ITGBL1: variants seen among roughly 807,000 people sequenced by gnomAD.
ITGBL1 encodes integrin beta-like protein 1.
A neutral mutation model predicts 68.5 loss-of-function variants in ITGBL1; 51 were observed. That is an observed-to-expected ratio of 0.74 (90% CI 0.59 to 0.94). The LOEUF (loss-of-function observed/expected upper bound fraction) is 0.94. Among genes scored for constraint, ITGBL1 ranks in the 40% least tolerant of loss-of-function variants. The probability of loss-of-function intolerance (pLI) is 0.00; values close to 1 mark genes in which losing one functional copy is unlikely to be tolerated. For missense variants in ITGBL1, 649 were observed against 647.4 expected, an observed-to-expected ratio of 1.00 and a Z score of -0.03; for synonymous variants, 209 against 227.3, an observed-to-expected ratio of 0.92 and a Z score of 0.72.
At chr13:101,526,196 T>C (rs1041686733) in intron 2 of ITGBL1, among the ~76,000 whole-genome samples, 11 of 150,206 alleles carry the variant, frequency 7.3e-5, no homozygotes, top group African/African-American at 2.7e-4. Context: ...GGGATACATA[T>C]GCAGAACGTG....
intron 2 of ITGBL1, among the ~76,000 whole-genome samples, chr13:101,465,932 G>A (rs145766038): frequency 9.2e-5 from 14 of 152,292 alleles, no homozygotes; most frequent in East Asian, 1.9e-4. Flanking sequence ...ACTGTAGAGC[G>A]TAGAGGATAA....
chr13:101,564,323 C>T (rs965362365), intron 2 of ITGBL1, among the ~76,000 whole-genome samples: 2 of 151,668 alleles, frequency 1.3e-5, no homozygotes, highest in African/African-American at 2.4e-5. Context: ...CAAGTAGATA[C>T]CACAAAAACC....
intron 2 of ITGBL1, among the ~76,000 whole-genome samples, chr13:101,490,504 A>G (rs1046148290): frequency 6.6e-6 from 1 of 152,232 alleles, no homozygotes; most frequent in Non-Finnish European, 1.5e-5. Context: ...AATTAAAATA[A>G]TACTACTAAC....
At chr13:101,501,278 T>C (rs2139085462) in intron 2 of ITGBL1, among the ~76,000 whole-genome samples, 1 of 152,314 alleles carries the variant, frequency 6.6e-6, no homozygotes, top group Admixed American at 6.5e-5. Flanking sequence ...CAGAATTCCC[T>C]GAATCACACT....
Position 101,697,568 on chromosome 13 carries a change from C to T in ITGBL1, c.1132+4867C>T, listed in dbSNP as rs75334562. 5.6e-3 allele frequency among the ~76,000 whole-genome samples: 850 copies of T among 152,164 alleles called. 2 individuals carry two copies. The highest frequency in any genetic ancestry group is 6.7e-3 in the Non-Finnish European group (453 of 68,006). On this transcript the variant is annotated intron_variant, in intron 8 of 10. Coordinates refer to ENST00000376180, the MANE Select transcript of ITGBL1 (RefSeq NM_004791.3). Reference sequence around the variant, plus strand: ...GCCATATAGCAAGACGAATGGGAACCCTGTATTCAGACAGACCAGGATTTT... The same window carrying T: ...GCCATATAGCAAGACGAATGGGAACTCTGTATTCAGACAGACCAGGATTTT...
chr13:101,523,596 A>C (rs1158316200), intron 2 of ITGBL1, among the ~76,000 whole-genome samples: 1 of 152,196 alleles, frequency 6.6e-6, no homozygotes, highest in Non-Finnish European at 1.5e-5. Flanking sequence ...ATTAGAGCAG[A>C]TGACTTCCAA....
intron 8 of ITGBL1, among the ~76,000 whole-genome samples, chr13:101,705,173 TG>T (rs1249921083): frequency 6.6e-6 from 1 of 151,684 alleles, no homozygotes; most frequent in Non-Finnish European, 1.5e-5. Flanking sequence ...CAACATATGC[TG>T]GATTAAAAAA....
chr13:101,647,537 G>T (rs1181840710), intron 7 of ITGBL1, among the ~76,000 whole-genome samples: 1 of 152,214 alleles, frequency 6.6e-6, no homozygotes, highest in Non-Finnish European at 1.5e-5. Flanking sequence ...GGCAGCCAGT[G>T]CTTGAGAAAC....
chr13:101,714,820 T>G, intron 10 of ITGBL1: 2 of 449,566 alleles, frequency 4.4e-6, no homozygotes, highest in Non-Finnish European at 8.0e-6. Flanking sequence ...CAAACTCACA[T>G]GTATGCAGTT....
chr13:101,659,039 A>ATTT (rs55935871), intron 7 of ITGBL1, among the ~76,000 whole-genome samples: 7,348 of 103,638 alleles, frequency 0.071, 467 homozygotes, highest in Middle Eastern at 0.14. Flanking sequence ...TGGTGATTGA[A>ATTT]TTTTTTTTTT....
chr13:101,549,035 A>C (rs2049876063), intron 2 of ITGBL1, among the ~76,000 whole-genome samples: 1 of 151,914 alleles, frequency 6.6e-6, no homozygotes, highest in Non-Finnish European at 1.5e-5. Flanking sequence ...GTCACACATG[A>C]ATTCACGCAT....
At chr13:101,507,022 A>C (rs1306822594) in intron 2 of ITGBL1, among the ~76,000 whole-genome samples, 1 of 152,196 alleles carries the variant, frequency 6.6e-6, no homozygotes, top group Non-Finnish European at 1.5e-5. Flanking sequence ...AGAAGAAATA[A>C]GAAAAACCTG....
chr13:101,699,744 T>C (rs1170069975), intron 8 of ITGBL1, among the ~76,000 whole-genome samples: 3 of 152,240 alleles, frequency 2.0e-5, no homozygotes, highest in Non-Finnish European at 4.4e-5. Context: ...GAATGGTCCA[T>C]GTAGATGATT....
At chr13:101,573,041 A>G (rs941345515) in intron 3 of ITGBL1, among the ~76,000 whole-genome samples, 7 of 152,258 alleles carry the variant, frequency 4.6e-5, no homozygotes, top group African/African-American at 1.2e-4. Flanking sequence ...TTCCTGGTCT[A>G]TGATTTACTT....
At chr13:101,523,475 G>A (rs564858004) in intron 2 of ITGBL1, among the ~76,000 whole-genome samples, 1 of 152,202 alleles carries the variant, frequency 6.6e-6, no homozygotes, top group African/African-American at 2.4e-5. Context: ...CTATCTACAT[G>A]GCATGTTTTG....
chr13:101,595,112 A>C (rs181804422), intron 6 of ITGBL1, among the ~76,000 whole-genome samples: 316 of 152,102 alleles, frequency 2.1e-3, no homozygotes, highest in Middle Eastern at 0.01. Context: ...AAAACCAAAA[A>C]CAGGTCTATT....
intron 6 of ITGBL1, among the ~76,000 whole-genome samples, chr13:101,595,445 C>G (rs111616248): frequency 6.3e-4 from 96 of 152,152 alleles, no homozygotes; most frequent in African/African-American, 2.2e-3. Flanking sequence ...TGCATTTCCA[C>G]GTGAGATTTG....
chr13:101,706,609 A>G, intron 8 of ITGBL1, 147 bp from the exon 9 acceptor site: 1 of 740,208 alleles, frequency 1.4e-6, no homozygotes, highest in Non-Finnish European at 2.1e-6. Context: ...TCTTTCAAAC[A>G]ATTACATGCC....
intron 2 of ITGBL1, among the ~76,000 whole-genome samples, chr13:101,564,511 A>G (rs1594893064): frequency 1.3e-5 from 2 of 151,306 alleles, no homozygotes; most frequent in Admixed American, 1.3e-4. Flanking sequence ...TGTATATACA[A>G]CAATTTATAT....
Sources: gnomAD v4.1 joint callset for allele counts (sites outside exome capture counted in the v4.1 genomes callset) on GRCh38, gnomAD v4.1.1 for gene constraint, MANE v1.5 for transcripts, NCBI Gene and HGNC (gene_info 2026-07-23, HGNC 2026-07-21) for gene names.